The following NLRP12 variants were observed in gnomAD, a reference collection of about 807,000 sequenced individuals.
NLRP12 encodes the protein NACHT, LRR and PYD domains-containing protein 12.
In NLRP12, 108 loss-of-function variants were observed where a neutral mutation model predicts 91.2. That is an observed-to-expected ratio of 1.18 (90% CI 1.01 to 1.39). The LOEUF (loss-of-function observed/expected upper bound fraction) is 1.39, where lower values mean the gene tolerates loss of function less well. NLRP12 is among the 40% of genes most tolerant of loss of function. The pLI, the probability that NLRP12 is intolerant of heterozygous loss-of-function variation, is 0.00. For missense variants in NLRP12, 1,530 were observed against 1,352.7 expected (o/e 1.13, Z -2.06); for synonymous variants, 613 against 566.7 (o/e 1.08, Z -1.16).
intron 8 of NLRP12, 97 bp from the exon 9 acceptor site, chr19:53,796,126 G>A: frequency 8.2e-7 from 1 of 1,213,420 alleles, no homozygotes; most frequent in Non-Finnish European, 1.2e-6. Context: ...GAGTACAGTG[G>A]TGAGATTTCT....
chr19:53,799,366 C>A (rs543461645), intron 7 of NLRP12, among the ~76,000 whole-genome samples: 1 of 152,114 alleles, frequency 6.6e-6, no homozygotes, highest in African/African-American at 2.4e-5. Context: ...AAAAAATACA[C>A]AAAGTGTGTT....
rs575442987 is a variant in NLRP12 at position 53,821,962 on chromosome 19, C to T, written c.289+1924G>A. Among the ~76,000 whole-genome samples the T allele has an allele frequency of 5.3e-5, 8 of 152,184 alleles. 1 individual carries two copies. The South Asian group carries it at 1.2e-3, about 24-fold the overall frequency. On this transcript the variant is annotated intron_variant, in intron 1 of 9. Transcript: ENST00000324134. ...ATCATGTTCTTTGCAGTAACATGGACGCAGCTGGAGGCCATTATCCAAAGC... is the reference window on the plus strand; with the variant it reads ...ATCATGTTCTTTGCAGTAACATGGATGCAGCTGGAGGCCATTATCCAAAGC...
chr19:53,812,007 T>A (rs1038554238), intron 2 of NLRP12, among the ~76,000 whole-genome samples: 1 of 151,858 alleles, frequency 6.6e-6, no homozygotes, highest in Non-Finnish European at 1.5e-5. Context: ...GAGGTCCAGG[T>A]GGGAGGATCG....
intron 5 of NLRP12, 98 bp from the exon 6 acceptor site, chr19:53,804,220 T>C: frequency 1.5e-6 from 2 of 1,371,982 alleles, no homozygotes; most frequent in Non-Finnish European, 2.0e-6. Context: ...AGGAACAGGT[T>C]GTTGCTCTGT....
In NLRP12 at chr19:53,810,311, G is replaced by T; in HGVS notation, c.1348C>A (p.Pro450Thr). The T allele has an allele frequency of 6.2e-7, 1 of 1,613,762 alleles. No individual in the cohort carries two copies. The highest frequency in any genetic ancestry group is 8.5e-7 in the Non-Finnish European group (1 of 1,180,008). The change falls in exon 3 of 10, where the codon CCG becomes ACG. Residue 450 changes from proline to threonine, a missense_variant. By Grantham distance (38) the Pro-to-Thr change is conservative (BLOSUM62 -1). Coordinates refer to ENST00000324134, the MANE Select transcript of NLRP12 (RefSeq NM_144687.4). ...LSLMQPKPGA[P>T]RLQPPPNQRG... ...TGGTTGGGTGGGGGCTGGAGGCGCG[G>T]GGCCCCCGGCTTGGGTTGCATCAGA...
intron 7 of NLRP12, among the ~76,000 whole-genome samples, chr19:53,800,671 C>G (rs1193700425): frequency 1.3e-5 from 2 of 151,896 alleles, no homozygotes; most frequent in Non-Finnish European, 2.9e-5. Flanking sequence ...CAACTTCCAC[C>G]TCCCGGGTTC....
rs1568662444 is a variant in NLRP12, at chr19:53,801,397, C to T, written c.2586G>A (p.Trp862Ter). 1 of 1,613,728 alleles carries T rather than the reference C, an allele frequency of 6.2e-7. No homozygotes were observed. Among genetic ancestry groups the T allele is most frequent in the Non-Finnish European group, 8.5e-7 (1 of 1,179,968 alleles). The change falls in exon 7 of 10, where the codon TGG becomes TGA. Residue 862 changes from tryptophan (W) to a stop codon, truncating the protein, a stop_gained and splice_region_variant. Transcript: ENST00000324134. LOFTEE classifies it high-confidence loss of function. Reference sequence around the variant, plus strand: ...CAGCAGTGAGGCGGCAGATCTTCAGCCTGCACAAAGTCCAATTCAACAAGC... The same window carrying T: ...CAGCAGTGAGGCGGCAGATCTTCAGTCTGCACAAAGTCCAATTCAACAAGC... ...RHPVCRLRTLWLKICRLTAAA... is the reference protein window; with the variant it reads ...RHPVCRLRTL
At chr19:53,817,215 A>T (rs1406262197) in intron 1 of NLRP12, among the ~76,000 whole-genome samples, 1 of 151,926 alleles carries the variant, frequency 6.6e-6, no homozygotes, top group Non-Finnish European at 1.5e-5. Flanking sequence ...GGATTACCTG[A>T]TGTCAGGAGT....
rs771274238 is a variant in NLRP12, at chr19:53,811,036, T to G, written c.623A>C (p.Glu208Ala). 58 of 1,612,656 alleles carry G rather than the reference T, an allele frequency of 3.6e-5. No individual in the cohort carries two copies. Among genetic ancestry groups the G allele is most frequent in the Non-Finnish European group, 4.7e-5 (56 of 1,178,954 alleles). Residue 208 changes from glutamate (E) to alanine (A), a missense_variant, in exon 3 of 10, where the codon GAG becomes GCG. Glu to Ala is a moderately radical substitution (Grantham distance 107). Coordinates refer to ENST00000324134, the MANE Select transcript of NLRP12 (RefSeq NM_144687.4). ...TLFEPDEERP[E>A]PPRTVVMQGA... is the part of the protein sequence containing the mutation. Reference sequence around the variant, plus strand: ...TTGCATGACCACGGTGCGCGGTGGCTCGGGGCGCTCCTCGTCTGGCTCAAA... The same window carrying G: ...TTGCATGACCACGGTGCGCGGTGGCGCGGGGCGCTCCTCGTCTGGCTCAAA...
Position 53,819,445 on chromosome 19 carries a change from ATATATATATATATGTGTG to A in NLRP12, c.289+4423_289+4440del, listed in dbSNP as rs1218098022. Reference sequence around the variant, plus strand: ...TATATATATATATATATATATATATATATATATATATATGTGTGTGTGTGTGTGTGTGTGTGTGTATAT... The same window carrying A: ...TATATATATATATATATATATATATATGTGTGTGTGTGTGTGTGTGTATAT... On this transcript the variant is annotated intron_variant, in intron 1 of 9. Coordinates refer to ENST00000324134, the MANE Select transcript of NLRP12 (RefSeq NM_144687.4). Among the ~76,000 whole-genome samples, 3 of 19,576 alleles carry A rather than the reference ATATATATATATATGTGTG, an allele frequency of 1.5e-4. 1 individual carries two copies. The highest frequency in any genetic ancestry group is 3.4e-4 in the Non-Finnish European group (3 of 8,824). 12.8% of individuals were successfully genotyped at this position (19,576 alleles called of 152,430 possible). A position where few individuals can be genotyped will look rare whatever the true frequency, so the allele number is the denominator to read the frequency against.
rs113988376 is a variant in NLRP12 at position 53,812,017 on chromosome 19, G to A, written c.371-729C>T. Among the ~76,000 whole-genome samples, 190 of 152,136 alleles carry A rather than the reference G, an allele frequency of 1.2e-3. 1 individual carries two copies. Among genetic ancestry groups the A allele is most frequent in the African/African-American group, 4.3e-3 (177 of 41,504 alleles). ...TTTGGGAGGTCCAGGTGGGAGGATCGCCTGAACTCAGGAGTTTGAGACCAG... is the reference window on the plus strand; with the variant it reads ...TTTGGGAGGTCCAGGTGGGAGGATCACCTGAACTCAGGAGTTTGAGACCAG... On this transcript the variant is annotated intron_variant, in intron 2 of 9. Coordinates refer to ENST00000324134, the MANE Select transcript of NLRP12 (RefSeq NM_144687.4).
Position 53,810,792 on chromosome 19 carries a change from G to A in NLRP12, c.867C>T (p.Leu289=), listed in dbSNP as rs766521021. The A allele has an allele frequency of 1.2e-6, 2 of 1,614,128 alleles. No individual in the cohort carries two copies. Among genetic ancestry groups the A allele is most frequent in the Admixed American group, 1.7e-5 (1 of 59,994 alleles). ...LQELIRVPER[L]LFIIDGFDEL... The stretch of plus-strand genomic sequence containing the variant: ...CATCGAAGCCGTCGATGATGAAAAG[G>A]AGGCGCTCGGGAACTCGGATGAGCT... The change falls in exon 3 of 10, where the codon CTC becomes CTT. Residue 289 remains leucine, a synonymous_variant. Coordinates refer to ENST00000324134, the MANE Select transcript of NLRP12 (RefSeq NM_144687.4).
chr19:53,807,893 G>A, intron 3 of NLRP12: 1 of 512,710 alleles, frequency 2.0e-6, no homozygotes, highest in South Asian at 1.7e-5. Context: ...TGGGATTACA[G>A]GCATGAGCCA....
rs116068848 is a variant in NLRP12, at chr19:53,807,772, C to T, written c.2073-107G>A. The T allele has an allele frequency of 1.1e-3, 1,472 of 1,326,954 alleles. 18 individuals are homozygous for T. In the African/African-American group the frequency reaches 0.019, roughly 17 times the overall value. The allele number at this position is 1,326,954 out of a possible 1,614,324, so 82.2% of individuals were successfully genotyped here. On this transcript the variant is annotated intron_variant, in intron 3 of 9. Transcript: ENST00000324134. ...TGAAGCATGCTATCCTTTTTTGAGA[C>T]GGAGTTTCGCTCTTGTTGCCCAGGC...
intron 7 of NLRP12, among the ~76,000 whole-genome samples, chr19:53,798,772 C>G (rs2091817038): frequency 6.6e-6 from 1 of 152,006 alleles, no homozygotes; most frequent in Admixed American, 6.6e-5. Flanking sequence ...ATGGCGTTTC[C>G]CTCTTGTTGT....
chr19:53,803,918 C>G (rs1361659357), intron 6 of NLRP12, 34 bp downstream of exon 6: 1 of 1,602,542 alleles, frequency 6.2e-7, no homozygotes, highest in South Asian at 1.1e-5. Context: ...AGAGATTTGC[C>G]ATTTTATTAT....
At position 53,809,534 on chromosome 19, in the gene NLRP12, A is replaced by C. The variant is rs906964058; in HGVS notation, c.2072+53T>G. On this transcript the variant is annotated intron_variant, in intron 3 of 9. Coordinates refer to ENST00000324134, the MANE Select transcript of NLRP12 (RefSeq NM_144687.4). Reference sequence around the variant, plus strand: ...CAACAGAGCAAAAAAAAAAAAAAAAAAAAAAAACACACGAACCTAAGCAGC... The same window carrying C: ...CAACAGAGCAAAAAAAAAAAAAAAACAAAAAAACACACGAACCTAAGCAGC... 17 of 1,436,678 alleles carry C rather than the reference A, an allele frequency of 1.2e-5. No individual in the cohort carries two copies. The East Asian group carries it at 1.7e-4, about 14-fold the overall frequency. The allele number at this position is 1,436,678 out of a possible 1,614,324, so 89.0% of individuals were successfully genotyped here.
rs199829926 is a variant in NLRP12 at position 53,811,066 on chromosome 19, G to C, written c.593C>G (p.Thr198Ser). ...GHQASPIKIE[T>S]LFEPDEERPE... ...GCGCTCCTCGTCTGGCTCAAAGAGG[G>C]TCTCTATCTTGATGGGGCTAGCCTG... is the stretch of plus-strand genomic sequence containing the variant. The change falls in exon 3 of 10, where the codon ACC becomes AGC. Residue 198 changes from threonine (T) to serine (S), a missense_variant. Physicochemically the swap from Thr to Ser is moderately conservative, Grantham distance 58. Transcript: ENST00000324134. The C allele has an allele frequency of 4.3e-6, 7 of 1,612,890 alleles. No homozygotes were observed. Among genetic ancestry groups the C allele is most frequent in the Non-Finnish European group, 5.9e-6 (7 of 1,179,036 alleles).
chr19:53,821,684 A>G (rs548196632), intron 1 of NLRP12, among the ~76,000 whole-genome samples: 1 of 152,098 alleles, frequency 6.6e-6, no homozygotes, highest in African/African-American at 2.4e-5. Context: ...AACAACAAAA[A>G]GAAATCCAAG....
Sources: allele counts gnomAD v4.1 joint callset (sites outside exome capture counted in the v4.1 genomes callset), GRCh38; gene constraint gnomAD v4.1.1; transcripts MANE v1.5; gene names NCBI Gene and HGNC (gene_info 2026-07-23, HGNC 2026-07-21).